The following CRBN variants were observed in gnomAD, a reference collection of about 807,000 sequenced individuals.
CRBN encodes the protein protein cereblon.
CRBN carries 53 observed loss-of-function variants against 62.2 expected under a neutral mutation model. The ratio of observed to expected loss-of-function variants is 0.85; its 90% CI spans 0.68 to 1.07. The LOEUF is 1.07. Among genes scored for constraint, CRBN ranks in the 50% least tolerant of loss-of-function variants. The pLI is 0.00. For synonymous variants in CRBN, 208 were observed against 176.1 expected, an observed-to-expected ratio of 1.18 and a Z score of -1.43; for missense variants, 616 against 531.1, an observed-to-expected ratio of 1.16 and a Z score of -1.57.
chr3:3,171,347 C>A (rs1707604981), intron 4 of CRBN, among the ~76,000 whole-genome samples: 1 of 152,064 alleles, frequency 6.6e-6, no homozygotes, highest in African/African-American at 2.4e-5. Flanking sequence ...TAGCAAAATC[C>A]ACAGTAACAA....
intron 9 of CRBN, 77 bp from the exon 10 acceptor site, chr3:3,152,664 A>C (rs994360889): frequency 6.5e-7 from 1 of 1,547,920 alleles, no homozygotes; most frequent in Non-Finnish European, 8.9e-7. Flanking sequence ...ATTTTATTGA[A>C]GTTCACCAAG....
intron 8 of CRBN, 60 bp downstream of exon 8, chr3:3,153,900 C>T: frequency 9.5e-7 from 1 of 1,049,286 alleles, no homozygotes; most frequent in East Asian, 2.4e-5. Flanking sequence ...CCCAACAGAG[C>T]ATCCTAGTTC....
rs533344170 is a variant in CRBN at position 3,174,600 on chromosome 3, C to T, written c.175-339G>A. Among the ~76,000 whole-genome samples the T allele has an allele frequency of 5.3e-5, 8 of 152,046 alleles. 1 individual carries two copies. Among genetic ancestry groups the T allele is most frequent in the African/African-American group, 1.9e-4 (8 of 41,462 alleles). On this transcript the variant is annotated intron_variant, in intron 2 of 10. Transcript: ENST00000231948. ...AGGCTGCAGTGAGCTGAGATTGTGC[C>T]ACTGCACTCACTCGAGCTTGGGCGA...
At chr3:3,176,899 T>C (rs1221282584) in intron 1 of CRBN, among the ~76,000 whole-genome samples, 1 of 152,228 alleles carries the variant, frequency 6.6e-6, no homozygotes, top group African/African-American at 2.4e-5. Context: ...CGCTACACAA[T>C]ACATATGCTA....
chr3:3,167,749 G>T lies in CRBN; in HGVS notation c.572C>A (p.Pro191His). The T allele has an allele frequency of 6.2e-7, 1 of 1,613,546 alleles. No homozygotes were observed. The highest frequency in any genetic ancestry group is 8.5e-7 in the Non-Finnish European group (1 of 1,179,622). Residue 191 changes from proline to histidine, a missense_variant, in exon 5 of 11, where the codon CCT (proline) becomes CAT (histidine). Physicochemically the swap from Pro to His is moderately conservative, Grantham distance 77. Coordinates refer to ENST00000231948, the MANE Select transcript of CRBN (RefSeq NM_016302.4). ...TAATTGAACTGCAGACATGGTTGAAGGCAACACACATTCGGGAAGAATTTG... is the reference window on the plus strand; with the variant it reads ...TAATTGAACTGCAGACATGGTTGAATGCAACACACATTCGGGAAGAATTTG... ...KVQILPECVLPSTMSAVQLES... is the reference protein window; with the variant it reads ...KVQILPECVLHSTMSAVQLES...
At chr3:3,176,889 C>T (rs575848178) in intron 1 of CRBN, among the ~76,000 whole-genome samples, 7 of 152,138 alleles carry the variant, frequency 4.6e-5, no homozygotes, top group African/African-American at 1.7e-4. Flanking sequence ...AATTAGAAAA[C>T]GCTACACAAT....
chr3:3,169,875 G>T (rs946359983), intron 4 of CRBN, among the ~76,000 whole-genome samples: 1 of 134,388 alleles, frequency 7.4e-6, no homozygotes, highest in African/African-American at 2.6e-5. Flanking sequence ...AGAGTCCTAT[G>T]TCAGTGAGAC....
chr3:3,162,394 C>T (rs912092090), intron 5 of CRBN, among the ~76,000 whole-genome samples: 1 of 151,940 alleles, frequency 6.6e-6, no homozygotes, highest in African/African-American at 2.4e-5. Context: ...GAGAAAGGCA[C>T]TGTGATGGGA....
In CRBN at chr3:3,150,828, C is replaced by A. The variant is rs1559237934; in HGVS notation, c.*37G>T. The A allele has an allele frequency of 6.4e-7, 1 of 1,559,814 alleles. No individual in the cohort carries two copies. The highest frequency in any genetic ancestry group is 1.8e-5 in the Admixed American group (1 of 55,872). On this transcript the variant is annotated 3_prime_UTR_variant, in exon 11 of 11. Coordinates refer to ENST00000231948, the MANE Select transcript of CRBN (RefSeq NM_016302.4). ...TTCCAAAGCAGATCTTAGAATATAA[C>A]CAATTTGTTAGATAACTTTATCTCT...
At chr3:3,152,830 T>A in intron 9 of CRBN, 1 of 538,810 alleles carries the variant, frequency 1.9e-6, no homozygotes, top group Non-Finnish European at 3.3e-6. Flanking sequence ...ATAGTACTTG[T>A]TTTTAAAACC....
chr3:3,159,510 A>C (rs1326545643), intron 5 of CRBN, among the ~76,000 whole-genome samples: 1 of 152,216 alleles, frequency 6.6e-6, no homozygotes, highest in Non-Finnish European at 1.5e-5. Flanking sequence ...ATAATATGTA[A>C]ATTTCAAGTA....
At chr3:3,160,649 T>C (rs1707101556) in intron 5 of CRBN, among the ~76,000 whole-genome samples, 1 of 152,226 alleles carries the variant, frequency 6.6e-6, no homozygotes, top group South Asian at 2.1e-4. Context: ...ATTATTATCC[T>C]GGAACAAGGT....
At chr3:3,153,534 C>A in intron 8 of CRBN, 46 bp from the exon 9 acceptor site, 1 of 1,040,630 alleles carries the variant, frequency 9.6e-7, no homozygotes, top group South Asian at 1.3e-5. Flanking sequence ...AACTGGCATT[C>A]ACTTTATCAT....
At chr3:3,172,578 C>T (rs1430647700) in intron 4 of CRBN, 198 bp downstream of exon 4, 1 of 604,256 alleles carries the variant, frequency 1.7e-6, no homozygotes, top group African/African-American at 1.9e-5. Context: ...GGAACTCAAG[C>T]TTCTATAGTT....
At chr3:3,174,303 G>T in intron 2 of CRBN, 42 bp from the exon 3 acceptor site, 1 of 1,462,084 alleles carries the variant, frequency 6.8e-7, no homozygotes, top group Non-Finnish European at 9.6e-7. Context: ...TGATCGATAT[G>T]TAATAAAAAT....
At position 3,150,273 on chromosome 3, in the gene CRBN, G is replaced by A. The variant is rs1047518704; in HGVS notation, c.*592C>T. The stretch of plus-strand genomic sequence containing the variant: ...ATAAAGGAAATGACAACTATTCGTG[G>A]GCTCAAAAAACTGCATATTTTAACT... On this transcript the variant is annotated 3_prime_UTR_variant, in exon 11 of 11. Coordinates refer to ENST00000231948, the MANE Select transcript of CRBN (RefSeq NM_016302.4). 6.6e-6 allele frequency: 1 copy of A among 151,952 alleles called. No individual in the cohort carries two copies. The highest frequency in any genetic ancestry group is 2.4e-5 in the African/African-American group (1 of 40,982). 9.4% of individuals were successfully genotyped at this position (151,952 alleles called of 1,614,324 possible).
intron 3 of CRBN, among the ~76,000 whole-genome samples, 161 bp from the exon 4 acceptor site, chr3:3,173,086 C>T (rs535580047): frequency 6.6e-6 from 1 of 152,264 alleles, no homozygotes. Flanking sequence ...GAGATGGAGT[C>T]TCGCTGCGTT....
At chr3:3,154,383 G>C in intron 7 of CRBN, 1 of 290,562 alleles carries the variant, frequency 3.4e-6, no homozygotes, top group East Asian at 5.8e-4. Context: ...AACAGATAAA[G>C]AGAGTATCTA....
chr3:3,169,264 G>A (rs1030906532), intron 4 of CRBN, among the ~76,000 whole-genome samples: 1 of 152,134 alleles, frequency 6.6e-6, no homozygotes, highest in African/African-American at 2.4e-5. Context: ...TGCAGTGGCT[G>A]GTTCTTCTCC....
Sources: gnomAD v4.1 joint callset for allele counts (sites outside exome capture counted in the v4.1 genomes callset) on GRCh38, gnomAD v4.1.1 for gene constraint, MANE v1.5 for transcripts, NCBI Gene and HGNC (gene_info 2026-07-23, HGNC 2026-07-21) for gene names.